DISC1: variants seen among roughly 807,000 people sequenced by gnomAD.
DISC1 encodes DISC1 scaffold protein, also known as disrupted in schizophrenia 1 protein.
Under a neutral mutation model 84.5 loss-of-function variants are expected in DISC1, and 57 were observed. The ratio of observed to expected loss-of-function variants is 0.67; its 90% CI spans 0.55 to 0.84. The LOEUF is 0.84. Among genes scored for constraint, DISC1 ranks in the 40% least tolerant of loss-of-function variants. The pLI is 0.00. For synonymous variants in DISC1, 411 were observed against 415.2 expected (o/e 0.99, Z 0.12); for missense variants, 1,000 against 1,057.8 (o/e 0.95, Z 0.76).
At chr1:231,868,239 C>G (rs2085199220) in intron 9 of DISC1, among the ~76,000 whole-genome samples, 1 of 152,198 alleles carries the variant, frequency 6.6e-6, no homozygotes, top group Non-Finnish European at 1.5e-5. Flanking sequence ...ATTCTGCTTT[C>G]CTATCTTGTC....
intron 9 of DISC1, among the ~76,000 whole-genome samples, chr1:231,864,860 G>T (rs915175421): frequency 3.0e-4 from 46 of 152,238 alleles, no homozygotes; most frequent in African/African-American, 1.1e-3. Context: ...CTCTCATCCT[G>T]AATATCAGAT....
intron 9 of DISC1, among the ~76,000 whole-genome samples, chr1:231,900,185 C>T (rs1481305970): frequency 6.6e-6 from 1 of 152,158 alleles, no homozygotes; most frequent in African/African-American, 2.4e-5. Context: ...CCTCCTTGCC[C>T]CGCAACAGGA....
chr1:231,921,193 C>T (rs1295386932), intron 9 of DISC1, among the ~76,000 whole-genome samples: 10 of 152,052 alleles, frequency 6.6e-5, no homozygotes, highest in African/African-American at 1.9e-4. Context: ...GGATTATAGG[C>T]GTGAGCCACT....
At chr1:231,996,731 G>C (rs1452239563) in intron 10 of DISC1, among the ~76,000 whole-genome samples, 1 of 152,046 alleles carries the variant, frequency 6.6e-6, no homozygotes, top group Non-Finnish European at 1.5e-5. Context: ...GAGGATTCAA[G>C]CCACACTCAG....
In DISC1 at chr1:231,636,569, T is replaced by C. The variant is rs200790262; in HGVS notation, c.67+9635T>C. Among the ~76,000 whole-genome samples the C allele has an allele frequency of 1.0e-3, 155 of 152,346 alleles. 1 individual carries two copies. The highest frequency in any genetic ancestry group is 1.8e-3 in the Non-Finnish European group (122 of 68,042). On this transcript the variant is annotated intron_variant, in intron 1 of 12. Coordinates refer to ENST00000439617, the MANE Select transcript of DISC1 (RefSeq NM_018662.3). ...TTTTCTTGACTCTGATTTGGGATTA[T>C]CTAAGTGCATTTATTCAAATATTTA...
At chr1:231,628,256 C>T (rs902250305) in intron 1 of DISC1, among the ~76,000 whole-genome samples, 7 of 152,138 alleles carry the variant, frequency 4.6e-5, no homozygotes, top group East Asian at 1.9e-4. Flanking sequence ...ACCCGCTTTT[C>T]GGGCTCTTTG....
At chr1:231,735,133 CTGAT>C (rs1318082721) in intron 3 of DISC1, among the ~76,000 whole-genome samples, 6 of 152,166 alleles carry the variant, frequency 3.9e-5, no homozygotes, top group Admixed American at 3.9e-4. Context: ...ATCACACTGA[CTGAT>C]TGATTGTCAA....
intron 1 of DISC1, among the ~76,000 whole-genome samples, chr1:231,645,829 A>G (rs2060075983): frequency 6.6e-6 from 1 of 151,638 alleles, no homozygotes; most frequent in Non-Finnish European, 1.5e-5. Flanking sequence ...ATGTCCTTGC[A>G]AAGGACATGA....
chr1:231,936,095 T>C (rs2090967065), intron 9 of DISC1, among the ~76,000 whole-genome samples: 1 of 152,148 alleles, frequency 6.6e-6, no homozygotes, highest in African/African-American at 2.4e-5. Flanking sequence ...CGTCCTGAGC[T>C]TGTGAAAGTC....
intron 9 of DISC1, among the ~76,000 whole-genome samples, chr1:231,866,187 A>G (rs1264560778): frequency 1.3e-5 from 2 of 152,118 alleles, no homozygotes; most frequent in Non-Finnish European, 2.9e-5. Context: ...CTGCACGTGC[A>G]GAGCAAAAAG....
chr1:231,847,929 A>G (rs1351248550), intron 9 of DISC1, among the ~76,000 whole-genome samples: 1 of 152,186 alleles, frequency 6.6e-6, no homozygotes. Flanking sequence ...TTGCCAAGTG[A>G]ATGAATAAAA....
intron 9 of DISC1, among the ~76,000 whole-genome samples, chr1:231,849,485 A>G (rs1298536731): frequency 6.6e-6 from 1 of 152,142 alleles, no homozygotes; most frequent in Non-Finnish European, 1.5e-5. Flanking sequence ...CAAGGTCCCC[A>G]AGTCAATAAC....
chr1:231,982,756 CA>C (rs1663796778), intron 10 of DISC1, among the ~76,000 whole-genome samples: 1 of 151,956 alleles, frequency 6.6e-6, no homozygotes, highest in Non-Finnish European at 1.5e-5. Flanking sequence ...AACAAATACG[CA>C]AAGATAAGAA....
intron 9 of DISC1, among the ~76,000 whole-genome samples, chr1:231,851,402 G>A (rs946154089): frequency 1.3e-5 from 2 of 152,172 alleles, no homozygotes; most frequent in African/African-American, 4.8e-5. Context: ...CAGAGTTGGG[G>A]CGATAAATAT....
intron 4 of DISC1, among the ~76,000 whole-genome samples, chr1:231,759,045 C>G (rs1260254110): frequency 6.6e-6 from 1 of 152,134 alleles, no homozygotes; most frequent in South Asian, 2.1e-4. Context: ...TCCAGTGGGG[C>G]TTATCAAGGC....
Position 231,908,436 on chromosome 1 carries a change from G to C in DISC1, c.1982-50392G>C, listed in dbSNP as rs183497478. Among the ~76,000 whole-genome samples, 840 of 152,138 alleles carry C rather than the reference G, an allele frequency of 5.5e-3. 8 individuals carry two copies. Among genetic ancestry groups the C allele is most frequent in the African/African-American group, 0.019 (772 of 41,512 alleles). ...AGCACCATTTATTAAATAGGGAATC[G>C]TTTCCCCATTTCTTGTTTTTGTCAG... On this transcript the variant is annotated intron_variant, in intron 9 of 12. Coordinates refer to ENST00000439617, the MANE Select transcript of DISC1 (RefSeq NM_018662.3).
At chr1:231,671,790 G>A (rs1171903680) in intron 1 of DISC1, among the ~76,000 whole-genome samples, 2 of 152,218 alleles carry the variant, frequency 1.3e-5, no homozygotes, top group African/African-American at 4.8e-5. Flanking sequence ...GGTTGGGCAA[G>A]CTACTTAACC....
intron 5 of DISC1, 137 bp downstream of exon 5, chr1:231,767,406 C>T (rs1477498751): frequency 2.3e-6 from 3 of 1,292,364 alleles, no homozygotes; most frequent in East Asian, 2.5e-5. Context: ...GGGTGATTCT[C>T]CCACCTCAGC....
intron 10 of DISC1, among the ~76,000 whole-genome samples, chr1:231,997,160 C>T (rs12239802): frequency 0.032 from 4,824 of 152,252 alleles, 253 homozygotes; most frequent in African/African-American, 0.11. Flanking sequence ...CAAACTTTGA[C>T]GTGTGCATTC....
Sources: gnomAD v4.1 joint callset for allele counts (sites outside exome capture counted in the v4.1 genomes callset) on GRCh38, gnomAD v4.1.1 for gene constraint, MANE v1.5 for transcripts, NCBI Gene and HGNC (gene_info 2026-07-23, HGNC 2026-07-21) for gene names.